Variants in GLT1D1 observed in about 807,000 individuals in gnomAD.
GLT1D1 encodes the protein glycosyltransferase 1 domain containing 1.
A neutral mutation model predicts 28.7 loss-of-function variants in GLT1D1; 21 were observed. The ratio of observed to expected loss-of-function variants is 0.73; its 90% confidence interval spans 0.52 to 1.05. The LOEUF (loss-of-function observed/expected upper bound fraction) is 1.05. GLT1D1 is among the 50% of genes least tolerant of loss of function. GLT1D1 has a pLI of 0.00. For missense variants in GLT1D1, 343 were observed against 330.6 expected, an observed-to-expected ratio of 1.04 and a Z score of -0.29; for synonymous variants, 147 against 124.8, an observed-to-expected ratio of 1.18 and a Z score of -1.19.
chr12:128,911,678 A>G (rs1316291003), intron 4 of GLT1D1, among the ~76,000 whole-genome samples: 1 of 152,128 alleles, frequency 6.6e-6, no homozygotes, highest in Non-Finnish European at 1.5e-5. Flanking sequence ...TCTAAACGTC[A>G]CCTTAAAAAT....
intron 2 of GLT1D1, among the ~76,000 whole-genome samples, chr12:128,886,288 C>T (rs1435223699): frequency 3.3e-5 from 5 of 152,112 alleles, no homozygotes; most frequent in Non-Finnish European, 5.9e-5. Context: ...CCCTTTGTGG[C>T]AATAGGGTGT....
At chr12:128,931,063 G>A (rs1459301206) in intron 4 of GLT1D1, among the ~76,000 whole-genome samples, 1 of 150,926 alleles carries the variant, frequency 6.6e-6, no homozygotes, top group Non-Finnish European at 1.5e-5. Context: ...GCGCAATGGC[G>A]TGATCTTGGC....
At chr12:128,857,779 T>C (rs1169965324) in intron 1 of GLT1D1, among the ~76,000 whole-genome samples, 1 of 151,928 alleles carries the variant, frequency 6.6e-6, no homozygotes, top group Non-Finnish European at 1.5e-5. Context: ...AGACTGAATT[T>C]AAAGAAAAAA....
intron 7 of GLT1D1, among the ~76,000 whole-genome samples, chr12:128,978,390 G>C (rs1043120722): frequency 2.2e-4 from 34 of 152,278 alleles, no homozygotes; most frequent in African/African-American, 7.2e-4. Flanking sequence ...GGGCGGGCAC[G>C]GCTCTCCTCC....
At chr12:128,916,781 T>C (rs1446164483) in intron 4 of GLT1D1, among the ~76,000 whole-genome samples, 3 of 152,232 alleles carry the variant, frequency 2.0e-5, no homozygotes, top group Admixed American at 6.5e-5. Flanking sequence ...TCTCCCATTA[T>C]CTGGTTTATA....
At chr12:128,861,370 C>A (rs1181132756) in intron 1 of GLT1D1, among the ~76,000 whole-genome samples, 2 of 152,202 alleles carry the variant, frequency 1.3e-5, no homozygotes, top group Non-Finnish European at 2.9e-5. Flanking sequence ...CTGACCCGTG[C>A]TCTACATCTT....
At chr12:128,892,712 A>G (rs909130179) in intron 3 of GLT1D1, among the ~76,000 whole-genome samples, 1 of 152,230 alleles carries the variant, frequency 6.6e-6, no homozygotes, top group East Asian at 1.9e-4. Flanking sequence ...ATTTTTAATC[A>G]AATGTTTTTA....
chr12:128,858,421 C>T (rs1182275722), intron 1 of GLT1D1, among the ~76,000 whole-genome samples: 1 of 152,180 alleles, frequency 6.6e-6, no homozygotes, highest in Non-Finnish European at 1.5e-5. Context: ...TCTGTAATCA[C>T]AACACTTTGG....
At chr12:128,921,569 G>A (rs552662226) in intron 4 of GLT1D1, among the ~76,000 whole-genome samples, 90 of 151,582 alleles carry the variant, frequency 5.9e-4, no homozygotes, top group Middle Eastern at 6.8e-3. Flanking sequence ...TTATCTTACC[G>A]TATGTCATAG....
intron 1 of GLT1D1, among the ~76,000 whole-genome samples, chr12:128,854,110 A>C (rs1956145253): frequency 6.6e-6 from 1 of 152,126 alleles, no homozygotes; most frequent in Admixed American, 6.5e-5. Flanking sequence ...CTGTCCCCGA[A>C]GTCCCTTTCC....
At chr12:128,866,303 T>G (rs1339553698) in intron 1 of GLT1D1, among the ~76,000 whole-genome samples, 3 of 150,816 alleles carry the variant, frequency 2.0e-5, no homozygotes, top group South Asian at 4.1e-4. Context: ...TCTCCTGACC[T>G]CGTGATCCAC....
intron 1 of GLT1D1, among the ~76,000 whole-genome samples, chr12:128,860,227 G>A (rs543318416): frequency 7.2e-5 from 11 of 152,340 alleles, no homozygotes; most frequent in South Asian, 2.1e-4. Flanking sequence ...TTGGGAGGCC[G>A]AGGCGGGCAG....
chr12:128,966,211 C>T (rs1298581314), intron 7 of GLT1D1, among the ~76,000 whole-genome samples: 1 of 152,248 alleles, frequency 6.6e-6, no homozygotes, highest in Non-Finnish European at 1.5e-5. Context: ...CAGCAGAATG[C>T]TCCTGGGAGC....
At chr12:128,959,605 GTT>G in intron 7 of GLT1D1, among the ~76,000 whole-genome samples, 1 of 152,112 alleles carries the variant, frequency 6.6e-6, no homozygotes, top group Non-Finnish European at 1.5e-5. Flanking sequence ...GAGTTTCTCT[GTT>G]ATTGTCTACA....
Position 128,889,935 on chromosome 12 carries a change from C to T in GLT1D1, c.323+1191C>T, listed in dbSNP as rs148513567. ...GATTATGGGCGCCTGCCACCACAGT[C>T]GGCTAATTTTTGTATTTTTAGTAGA... On this transcript the variant is annotated intron_variant, in intron 3 of 7. Coordinates refer to ENST00000281703, the MANE Select transcript of GLT1D1 (RefSeq NM_144669.3). Among the ~76,000 whole-genome samples the T allele has an allele frequency of 7.6e-4, 115 of 152,242 alleles. 1 individual carries two copies. In the East Asian group the frequency reaches 0.02, roughly 27 times the overall value.
chr12:128,941,963 T>C (rs1464390534), intron 4 of GLT1D1, among the ~76,000 whole-genome samples: 1 of 147,826 alleles, frequency 6.8e-6, no homozygotes, highest in Non-Finnish European at 1.5e-5. Context: ...ATAGCTGGGC[T>C]CATAGTACCA....
At position 128,889,208 on chromosome 12, in the gene GLT1D1, A is replaced by G. The variant is rs566412188; in HGVS notation, c.323+464A>G. Reference sequence around the variant, plus strand: ...CTCCAGCCTTAGCAGCACACAAATTAGGATCTAGTTTGCATCAGGTTTGCC... The same window carrying G: ...CTCCAGCCTTAGCAGCACACAAATTGGGATCTAGTTTGCATCAGGTTTGCC... On this transcript the variant is annotated intron_variant, in intron 3 of 7. Coordinates refer to ENST00000281703, the MANE Select transcript of GLT1D1 (RefSeq NM_144669.3). Among the ~76,000 whole-genome samples the G allele has an allele frequency of 2.0e-5, 3 of 152,300 alleles. No individual in the cohort carries two copies. The East Asian group carries it at 5.8e-4, about 29-fold the overall frequency.
chr12:128,860,813 T>C (rs1025068423), intron 1 of GLT1D1, among the ~76,000 whole-genome samples: 1 of 151,842 alleles, frequency 6.6e-6, no homozygotes. Flanking sequence ...AAGGAAGAGG[T>C]CAGAAGGGTC....
intron 4 of GLT1D1, among the ~76,000 whole-genome samples, chr12:128,907,251 C>T (rs954203229): frequency 6.6e-6 from 1 of 151,908 alleles, no homozygotes; most frequent in Non-Finnish European, 1.5e-5. Context: ...TGCCAACCCT[C>T]TCACCTCTGC....
Sources: allele counts gnomAD v4.1 joint callset (sites outside exome capture counted in the v4.1 genomes callset), GRCh38; gene constraint gnomAD v4.1.1; transcripts MANE v1.5; gene names NCBI Gene and HGNC (gene_info 2026-07-23, HGNC 2026-07-21).